Variants in ALDH6A1 observed in about 807,000 individuals in gnomAD.
The protein encoded by ALDH6A1 is aldehyde dehydrogenase 6 family member A1, also known as methylmalonate-semialdehyde/malonate-semialdehyde dehydrogenase [acylating], mitochondrial.
In ALDH6A1, 43 loss-of-function variants were observed where a neutral mutation model predicts 62.6. The ratio of observed to expected loss-of-function variants is 0.69; its 90% CI spans 0.54 to 0.89. The LOEUF (loss-of-function observed/expected upper bound fraction) is 0.89, where lower values mean the gene tolerates loss of function less well. Among genes scored for constraint, ALDH6A1 ranks in the 40% least tolerant of loss-of-function variants. The pLI, the probability that ALDH6A1 is intolerant of heterozygous loss-of-function variation, is 0.00. For missense variants in ALDH6A1, 551 were observed against 661.3 expected, an observed-to-expected ratio of 0.83 and a Z score of 1.83; for synonymous variants, 194 against 234.2, an observed-to-expected ratio of 0.83 and a Z score of 1.57.
rs530583656 is a variant in ALDH6A1, at chr14:74,074,408, C to T, written c.111+547G>A. Among the ~76,000 whole-genome samples the T allele has an allele frequency of 7.2e-5, 11 of 151,898 alleles. No individual in the cohort carries two copies. In the East Asian group the frequency reaches 1.7e-3, roughly 24 times the overall value. ...TTCAAGCGATTCTCCTGCCTCAGCC[C>T]GCAGAGTAGCTGGGACTACAGGTGC... On this transcript the variant is annotated intron_variant, in intron 2 of 11. Coordinates refer to ENST00000553458, the MANE Select transcript of ALDH6A1 (RefSeq NM_005589.4).
chr14:74,062,329 C>T (rs543611347), intron 11 of ALDH6A1, among the ~76,000 whole-genome samples: 8 of 152,118 alleles, frequency 5.3e-5, no homozygotes, highest in East Asian at 1.9e-4. Context: ...AGGCCGGGTG[C>T]GGTGACTCAC....
In ALDH6A1 at chr14:74,057,151, A is replaced by G. The variant is rs1348501596; in HGVS notation, c.*3491T>C. 6.8e-6 allele frequency: 11 copies of G among 1,611,480 alleles called. No homozygotes were observed. The East Asian group carries it at 2.2e-4, about 33-fold the overall frequency. On this transcript the variant is annotated 3_prime_UTR_variant, in exon 12 of 12. Transcript: ENST00000553458. ...ATTTTGTCATTATTGCAGGGATGAA[A>G]GTAAGCTTCAAGATAAAATCTTCAT...
Position 74,068,848 on chromosome 14 carries a change from A to G in ALDH6A1, c.852+12T>C. On this transcript the variant is annotated intron_variant, in intron 7 of 11. Transcript: ENST00000553458. The stretch of plus-strand genomic sequence containing the variant: ...AGAACAAAGATTGGAGAAAAAAGGA[A>G]TAAGAAGTCACCATATTGGCTTGAA... 6.2e-7 allele frequency: 1 copy of G among 1,613,848 alleles called. No individual in the cohort carries two copies. The highest frequency in any genetic ancestry group is 8.5e-7 in the Non-Finnish European group (1 of 1,179,808).
chr14:74,067,350 T>C (rs1158539149), intron 8 of ALDH6A1, 30 bp downstream of exon 8: 1 of 1,611,894 alleles, frequency 6.2e-7, no homozygotes, highest in East Asian at 2.2e-5. Context: ...AGATGCAAAA[T>C]CTAAGGGGGC....
intron 11 of ALDH6A1, among the ~76,000 whole-genome samples, chr14:74,061,585 CAA>C (rs10564858): frequency 0.17 from 25,295 of 152,058 alleles, 2,597 homozygotes; most frequent in East Asian, 0.57. Context: ...CTTGGTCTCC[CAA>C]AGTTCTGGGA....
In ALDH6A1 at chr14:74,065,371, T is replaced by A; in HGVS notation, c.1225-11A>T. On this transcript the variant is annotated splice_polypyrimidine_tract_variant and intron_variant, in intron 9 of 11. Transcript: ENST00000553458. Reference sequence around the variant, plus strand: ...ACAGGTCATATTTGGCTGCCAGGAGTGATGCATCCAGAAAAGAAGTCAGCT... The same window carrying A: ...ACAGGTCATATTTGGCTGCCAGGAGAGATGCATCCAGAAAAGAAGTCAGCT... 6.2e-7 allele frequency: 1 copy of A among 1,613,490 alleles called. No individual in the cohort carries two copies. Among genetic ancestry groups the A allele is most frequent in the Non-Finnish European group, 8.5e-7 (1 of 1,179,894 alleles).
rs527414355 is a variant in ALDH6A1, at chr14:74,062,895, A to G, written c.1503+1927T>C. On this transcript the variant is annotated intron_variant, in intron 11 of 11. Transcript: ENST00000553458. ...AAGGTTTCAAAATGGCTCTAGTCCT[A>G]TGACTAGAAAGAACTTCCCCTAGCC... Among the ~76,000 whole-genome samples, 5 of 152,338 alleles carry G rather than the reference A, an allele frequency of 3.3e-5. No homozygotes were observed. The South Asian group carries it at 6.2e-4, about 19-fold the overall frequency.
intron 2 of ALDH6A1, among the ~76,000 whole-genome samples, chr14:74,074,247 G>T (rs2060586269): frequency 6.6e-6 from 1 of 151,354 alleles, no homozygotes; most frequent in Non-Finnish European, 1.5e-5. Context: ...AAAGTGCTGG[G>T]ATTACAGGGG....
chr14:74,082,391 A>AG, intron 1 of ALDH6A1, among the ~76,000 whole-genome samples: 1 of 104,810 alleles, frequency 9.5e-6, no homozygotes, highest in Non-Finnish European at 1.9e-5. Context: ...GCCAAAATCG[A>AG]GGTTTTTTTT....
At chr14:74,077,092 C>T (rs1330041042) in intron 1 of ALDH6A1, among the ~76,000 whole-genome samples, 1 of 152,174 alleles carries the variant, frequency 6.6e-6, no homozygotes, top group African/African-American at 2.4e-5. Context: ...TCTGTTTGCT[C>T]TTCTATTCCC....
In ALDH6A1 at chr14:74,057,022, C is replaced by G; in HGVS notation, c.*3620G>C. ...TTAAGTAATAAACATGAGCCCAACA[C>G]GATGGTTCTTGTGGGCATCTTGAAT... On this transcript the variant is annotated 3_prime_UTR_variant, in exon 12 of 12. Coordinates refer to ENST00000553458, the MANE Select transcript of ALDH6A1 (RefSeq NM_005589.4). 6.3e-7 allele frequency: 1 copy of G among 1,581,692 alleles called. No homozygotes were observed. Among genetic ancestry groups the G allele is most frequent in the Non-Finnish European group, 8.7e-7 (1 of 1,154,230 alleles).
At position 74,070,756 on chromosome 14, in the gene ALDH6A1, G is replaced by T. The variant is rs112632403; in HGVS notation, c.730+439C>A. 1.6e-3 allele frequency: 302 copies of T among 183,798 alleles called. 2 individuals carry two copies. The highest frequency in any genetic ancestry group is 6.9e-3 in the African/African-American group (287 of 41,822). 11.4% of individuals were successfully genotyped at this position (183,798 alleles called of 1,614,324 possible). A position where few individuals can be genotyped will look rare whatever the true frequency, so the allele number is the denominator to read the frequency against. On this transcript the variant is annotated intron_variant, in intron 6 of 11. Transcript: ENST00000553458. ...ATGGAAAAATAATACCTACCTCAAA[G>T]GGTGATTATAAAGATTAATAGATAA...
At position 74,057,767 on chromosome 14, in the gene ALDH6A1, C is replaced by A; in HGVS notation, c.*2875G>T. The A allele has an allele frequency of 9.0e-7, 1 of 1,110,800 alleles. No homozygotes were observed. Among genetic ancestry groups the A allele is most frequent in the Non-Finnish European group, 1.1e-6 (1 of 901,826 alleles). 68.8% of individuals were successfully genotyped at this position (1,110,800 alleles called of 1,614,324 possible). On this transcript the variant is annotated 3_prime_UTR_variant, in exon 12 of 12. Coordinates refer to ENST00000553458, the MANE Select transcript of ALDH6A1 (RefSeq NM_005589.4). ...GCCACATTAGAACAAAAAGAAAATA[C>A]TGACTTTTTAGCCGCGATCACATGA... is the stretch of plus-strand genomic sequence containing the variant.
At position 74,060,671 on chromosome 14, in the gene ALDH6A1, C is replaced by T; in HGVS notation, c.1579G>A (p.Ala527Thr). Reference sequence around the variant, plus strand: ...CGGCCCATGGTAGGCATGACAACAGCAGGTGAGGAAAGAGTAGCATCTTCT... The same window carrying T: ...CGGCCCATGGTAGGCATGACAACAGTAGGTGAGGAAAGAGTAGCATCTTCT... ...KEEDATLSSPAVVMPTMGR is the reference protein window; with the variant it reads ...KEEDATLSSPTVVMPTMGR The change falls in exon 12 of 12, where the codon GCT becomes ACT. Residue 527 changes from alanine (A) to threonine (T), a missense_variant. Physicochemically the swap from Ala to Thr is moderately conservative, Grantham distance 58. Transcript: ENST00000553458. 6.2e-7 allele frequency: 1 copy of T among 1,613,444 alleles called. No individual in the cohort carries two copies. The highest frequency in any genetic ancestry group is 2.2e-5 in the East Asian group (1 of 44,872).
At chr14:74,067,317 A>C in intron 8 of ALDH6A1, 63 bp downstream of exon 8, 1 of 1,588,462 alleles carries the variant, frequency 6.3e-7, no homozygotes, top group East Asian at 2.2e-5. Context: ...GGCCAGTGAC[A>C]GAACCCAAGA....
chr14:74,077,610 C>A (rs1360834785), intron 1 of ALDH6A1, among the ~76,000 whole-genome samples: 1 of 152,126 alleles, frequency 6.6e-6, no homozygotes, highest in Non-Finnish European at 1.5e-5. Context: ...CCCATGGGAA[C>A]TAATCCAGTC....
In ALDH6A1 at chr14:74,068,977, T is replaced by A; in HGVS notation, c.735A>T (p.Val245=). 6.2e-7 allele frequency: 1 copy of A among 1,613,926 alleles called. No individual in the cohort carries two copies. The highest frequency in any genetic ancestry group is 8.5e-7 in the Non-Finnish European group (1 of 1,179,940). ...TGTCCGGATGATCGCAAATAAAATT[T>A]ACAGCTTTAAGAAGAAAATAAATGA... ...LNIIHGQHEA[V]NFICDHPDIK... is the part of the protein sequence containing the mutation. Residue 245 remains valine (V), a synonymous_variant, in exon 7 of 12, where the codon GTA becomes GTT. Coordinates refer to ENST00000553458, the MANE Select transcript of ALDH6A1 (RefSeq NM_005589.4).
intron 6 of ALDH6A1, chr14:74,069,230 A>C: frequency 2.6e-6 from 1 of 391,786 alleles, no homozygotes; most frequent in Non-Finnish European, 4.8e-6. Context: ...CAGCCTCCCA[A>C]GCAGCTGGGA....
Position 74,067,396 on chromosome 14 carries a change from G to GT in ALDH6A1, c.1025dup (p.Asn342LysfsTer13). On this transcript the variant is annotated frameshift_variant, in exon 8 of 12. Coordinates refer to ENST00000553458, the MANE Select transcript of ALDH6A1 (RefSeq NM_005589.4). LOFTEE classifies it high-confidence loss of function. ...ATTGATTACCTGCATTGACTCTCAGGTTTTTGGCATGCTCCACCAGCTCTG... is the reference window on the plus strand; with the variant it reads ...ATTGATTACCTGCATTGACTCTCAGGTTTTTTGGCATGCTCCACCAGCTCTG... 1 of 1,613,522 alleles carries GT rather than the reference G, an allele frequency of 6.2e-7. No homozygotes were observed. The highest frequency in any genetic ancestry group is 8.5e-7 in the Non-Finnish European group (1 of 1,180,032).
Sources: gnomAD v4.1 joint callset for allele counts (sites outside exome capture counted in the v4.1 genomes callset) on GRCh38, gnomAD v4.1.1 for gene constraint, MANE v1.5 for transcripts, NCBI Gene and HGNC (gene_info 2026-07-23, HGNC 2026-07-21) for gene names.